Variants in NOXO1 observed in about 807,000 individuals in gnomAD.
NOXO1 encodes the protein NADPH oxidase regulatory protein.
A neutral mutation model predicts 33.3 loss-of-function variants in NOXO1; 38 were observed. The ratio of observed to expected loss-of-function variants is 1.14; its 90% CI spans 0.88 to 1.50. The LOEUF (loss-of-function observed/expected upper bound fraction) is 1.50, where lower values mean the gene tolerates loss of function less well. Among genes scored for constraint, NOXO1 ranks in the 40% most tolerant of loss-of-function variants. The probability of loss-of-function intolerance (pLI) is 0.00; values close to 1 mark genes in which losing one functional copy is unlikely to be tolerated. For synonymous variants in NOXO1, 302 were observed against 237.3 expected (o/e 1.27, Z -2.51); for missense variants, 675 against 527.1 (o/e 1.28, Z -2.75).
chr16:1,980,657 G>C lies in NOXO1; in HGVS notation c.222C>G (p.Leu74=), dbSNP rs564745855. The change falls in exon 3 of 8, where the codon CTC becomes CTG. Residue 74 remains leucine, a splice_region_variant and synonymous_variant. Transcript: ENST00000356120. ...CTCCCGTACCCAGGCTGGCCTGACC[G>C]AGAAGCTTTGGGAGAACGCGGTCAG... ...RRSDRVLPKL[L]DAPLLGRVGR... 2 of 1,605,490 alleles carry C rather than the reference G, an allele frequency of 1.2e-6. No individual in the cohort carries two copies. The highest frequency in any genetic ancestry group is 1.7e-5 in the Admixed American group (1 of 59,088).
At position 1,980,034 on chromosome 16, in the gene NOXO1, G is replaced by A; in HGVS notation, c.549C>T (p.Ala183=). 1 of 1,606,772 alleles carries A rather than the reference G, an allele frequency of 6.2e-7. No individual in the cohort carries two copies. Among genetic ancestry groups the A allele is most frequent in the Non-Finnish European group, 8.5e-7 (1 of 1,177,940 alleles). The change falls in exon 5 of 8, where the codon GCC becomes GCT. Residue 183 remains alanine, a synonymous_variant. Transcript: ENST00000356120. ...GCAGCAGCACGTCCAGGCTCTCCTG[G>A]GCCTGCGCCTGAAAAGGCCTATCCC... The part of the protein sequence containing the change: ...DTRDRPFQAQ[A]QESLDVLLRH...
intron 2 of NOXO1, 74 bp from the exon 3 acceptor site, chr16:1,980,805 G>T: frequency 6.7e-7 from 1 of 1,494,936 alleles, no homozygotes; most frequent in Non-Finnish European, 9.1e-7. Flanking sequence ...TCCCTCACCC[G>T]GATGGCAGGG....
intron 6 of NOXO1, 89 bp from the exon 7 acceptor site, chr16:1,979,631 T>C (rs2083457048): frequency 2.2e-6 from 3 of 1,340,288 alleles, no homozygotes; most frequent in African/African-American, 1.4e-5. Flanking sequence ...TGCTTGAGTC[T>C]GCTGACGGCG....
At chr16:1,980,859 C>T in intron 2 of NOXO1, 80 bp downstream of exon 2, 1 of 1,481,634 alleles carries the variant, frequency 6.7e-7, no homozygotes, top group Non-Finnish European at 9.3e-7. Flanking sequence ...GTGGGAGTCA[C>T]TGATGGGAGG....
Position 1,980,716 on chromosome 16 carries a change from TCTC to T in NOXO1, c.160_162del (p.Glu54del). On this transcript the variant is annotated inframe_deletion, in exon 3 of 8. Transcript: ENST00000356120. ...AGCAGGCCCGCCTCCACCGGGAAGG[TCTC>T]CTTGAGGGTCTTCTGAGGGCGGGAA... 1 of 1,603,948 alleles carries T rather than the reference TCTC, an allele frequency of 6.2e-7. No individual in the cohort carries two copies. Among genetic ancestry groups the T allele is most frequent in the Non-Finnish European group, 8.5e-7 (1 of 1,175,698 alleles).
At position 1,979,436 on chromosome 16, in the gene NOXO1, C is replaced by T. The variant is rs755718602; in HGVS notation, c.807G>A (p.Trp269Ter). 9.9e-6 allele frequency: 16 copies of T among 1,609,714 alleles called. No homozygotes were observed. Among genetic ancestry groups the T allele is most frequent in the East Asian group, 2.2e-5 (1 of 44,818 alleles). ...CCGCTCCCGCGTACCTGCATAGCCACCAGCCGCGGTCTGACGTTTCCAACA... is the reference window on the plus strand; with the variant it reads ...CCGCTCCCGCGTACCTGCATAGCCATCAGCCGCGGTCTGACGTTTCCAACA... ...VRVLETSDRG[W>*]WLCRYGDRAG... The change falls in exon 7 of 8, where the codon TGG becomes TGA. Residue 269 changes from tryptophan to a stop codon, truncating the protein, a stop_gained. Transcript: ENST00000356120. LOFTEE classifies it low-confidence loss of function (END_TRUNC).
rs1229022421 is a variant in NOXO1 at position 1,979,221 on chromosome 16, G to A, written c.947C>T (p.Pro316Leu). Residue 316 changes from proline to leucine, a missense_variant, in exon 8 of 8, where the codon CCC becomes CTC. Pro to Leu is a moderately conservative substitution (Grantham distance 98). Transcript: ENST00000356120. Reference protein sequence around the residue: ...PAGEARGFPEPSQATAPPPTV... With the variant: ...PAGEARGFPELSQATAPPPTV... ...GGGGGGAGGGGCGGTGGCCTGGGAGGGTTCAGGGAAGCCCCGGGCCTCACC... is the reference window on the plus strand; with the variant it reads ...GGGGGGAGGGGCGGTGGCCTGGGAGAGTTCAGGGAAGCCCCGGGCCTCACC... 4 of 1,482,254 alleles carry A rather than the reference G, an allele frequency of 2.7e-6. No homozygotes were observed. Among genetic ancestry groups the A allele is most frequent in the South Asian group, 1.3e-5 (1 of 76,726 alleles). 91.8% of individuals were successfully genotyped at this position (1,482,254 alleles called of 1,614,324 possible). A position where few individuals can be genotyped will look rare whatever the true frequency, so the allele number is the denominator to read the frequency against.
Position 1,979,139 on chromosome 16 carries a change from T to A in NOXO1, c.1029A>T (p.Thr343=). 3 of 1,457,812 alleles carry A rather than the reference T, an allele frequency of 2.1e-6. No individual in the cohort carries two copies. The highest frequency in any genetic ancestry group is 3.0e-5 in the African/African-American group (2 of 66,834). The allele number at this position is 1,457,812 out of a possible 1,614,324, so 90.3% of individuals were successfully genotyped here. Residue 343 remains threonine (T), a synonymous_variant, in exon 8 of 8, where the codon ACA becomes ACT. Transcript: ENST00000356120. Reference sequence around the variant, plus strand: ...GTGGGCGCCGCTCCAGGGCCCTGCGTGTGACGGTGCAGCAGCGGCTCTGGA... The same window carrying A: ...GTGGGCGCCGCTCCAGGGCCCTGCGAGTGACGGTGCAGCAGCGGCTCTGGA... The part of the protein sequence containing the change: ...GAIQSRCCTV[T]RRALERRPRR...
In NOXO1 at chr16:1,979,158, C is replaced by G; in HGVS notation, c.1010G>C (p.Ser337Thr). The change falls in exon 8 of 8, where the codon AGC (serine) becomes ACC (threonine). Residue 337 changes from serine to threonine, a missense_variant. Transcript: ENST00000356120. ...PTRPSPGAIQSRCCTVTRRAL... is the reference protein window; with the variant it reads ...PTRPSPGAIQTRCCTVTRRAL... ...CCTGCGTGTGACGGTGCAGCAGCGG[C>G]TCTGGATGGCGCCCGGCGAAGGTCG... 1 of 1,462,234 alleles carries G rather than the reference C, an allele frequency of 6.8e-7. No individual in the cohort carries two copies. The highest frequency in any genetic ancestry group is 9.0e-7 in the Non-Finnish European group (1 of 1,117,270). 90.6% of individuals were successfully genotyped at this position (1,462,234 alleles called of 1,614,324 possible).
Position 1,979,298 on chromosome 16 carries a change from C to A in NOXO1, c.870G>T (p.Gly290=). The change falls in exon 8 of 8, where the codon GGG becomes GGT. Residue 290 remains glycine, a synonymous_variant. Coordinates refer to ENST00000356120, the MANE Select transcript of NOXO1 (RefSeq NM_172167.3). ...LLPAVLLRPE[G]LGALLSGTGF... ...CCGTCCCGCTCAGGAGAGCGCCCAG[C>A]CCTTCCGGCCGCAGCAGCACCGCGG... The A allele has an allele frequency of 6.4e-7, 1 of 1,564,718 alleles. No individual in the cohort carries two copies. The highest frequency in any genetic ancestry group is 8.6e-7 in the Non-Finnish European group (1 of 1,162,932).
At position 1,980,129 on chromosome 16, in the gene NOXO1, G is replaced by C; in HGVS notation, c.454C>G (p.Arg152Gly). ...GCCTCCAGACTGTGGATGGAGAGGC[G>C]GCCCGCAGCGCGAGAAAGAGGCTGC... ...EEQPLSRAAG[R>G]LSIHSLEAQS... The change falls in exon 5 of 8, where the codon CGC becomes GGC. Residue 152 changes from arginine (R) to glycine (G), a missense_variant. By Grantham distance (125) the Arg-to-Gly change is moderately radical. Transcript: ENST00000356120. The C allele has an allele frequency of 6.2e-7, 1 of 1,606,600 alleles. No individual in the cohort carries two copies. Among genetic ancestry groups the C allele is most frequent in the Non-Finnish European group, 8.5e-7 (1 of 1,178,552 alleles).
In NOXO1 at chr16:1,979,638, G is replaced by T. The variant is rs2083457079; in HGVS notation, c.701-96C>A. 25 of 1,303,458 alleles carry T rather than the reference G, an allele frequency of 1.9e-5. No individual in the cohort carries two copies. The South Asian group carries it at 3.3e-4, about 17-fold the overall frequency. 80.7% of individuals were successfully genotyped at this position (1,303,458 alleles called of 1,614,324 possible). A position where few individuals can be genotyped will look rare whatever the true frequency, so the allele number is the denominator to read the frequency against. On this transcript the variant is annotated intron_variant, in intron 6 of 7. Coordinates refer to ENST00000356120, the MANE Select transcript of NOXO1 (RefSeq NM_172167.3). The stretch of plus-strand genomic sequence containing the variant: ...ATTCTCCTTGCTTGAGTCTGCTGAC[G>T]GCGGGGCCGCTCTAAGACCGGTTCG...
Position 1,980,374 on chromosome 16 carries a change from G to A in NOXO1, c.394C>T (p.Pro132Ser). 6.2e-7 allele frequency: 1 copy of A among 1,600,720 alleles called. No individual in the cohort carries two copies. Among genetic ancestry groups the A allele is most frequent in the African/African-American group, 1.3e-5 (1 of 74,978 alleles). The change falls in exon 4 of 8, where the codon CCC becomes TCC. Residue 132 changes from proline to serine, a missense_variant. By Grantham distance (74) the Pro-to-Ser change is moderately conservative. Transcript: ENST00000356120. ...QPLDLEPALP[P>S]GSRVILPTPE... ...TTGGGGCGAGTCAGGCACCTGCCGG[G>A]TGGCAGCGCGGGCTCCAGGTCCAGG...
Position 1,980,443 on chromosome 16 carries a change from C to A in NOXO1, c.325G>T (p.Val109Leu), listed in dbSNP as rs1220896638. 17 of 1,602,180 alleles carry A rather than the reference C, an allele frequency of 1.1e-5. No homozygotes were observed. The highest frequency in any genetic ancestry group is 1.4e-5 in the Non-Finnish European group (16 of 1,179,856). ...CCAGTGATCGTCGGGCTCCGTGCCACGCGCTCTGCAGTCGCCAGCAGCCTC... is the reference window on the plus strand; with the variant it reads ...CCAGTGATCGTCGGGCTCCGTGCCAAGCGCTCTGCAGTCGCCAGCAGCCTC... Reference protein sequence around the residue: ...SRRLLATAERVARSPTITGFF... With the variant: ...SRRLLATAERLARSPTITGFF... The change falls in exon 4 of 8, where the codon GTG becomes TTG. Residue 109 changes from valine (V) to leucine (L), a missense_variant. By Grantham distance (32) the Val-to-Leu change is conservative. Transcript: ENST00000356120.
chr16:1,979,356 G>C lies in NOXO1; in HGVS notation c.819-7C>G, dbSNP rs1277643317. 1.3e-6 allele frequency: 2 copies of C among 1,583,120 alleles called. No homozygotes were observed. The highest frequency in any genetic ancestry group is 2.3e-5 in the South Asian group (2 of 88,736). On this transcript the variant is annotated splice_polypyrimidine_tract_variant and splice_region_variant and intron_variant, in intron 7 of 7. Coordinates refer to ENST00000356120, the MANE Select transcript of NOXO1 (RefSeq NM_172167.3). ...GCCCGCCCGGTCGCCGTACCTGCGA[G>C]GGGCGGGGTGTGGTTAGGGCCCCGC...
In NOXO1 at chr16:1,979,821, G is replaced by T; in HGVS notation, c.669C>A (p.Gly223=). 1 of 1,566,918 alleles carries T rather than the reference G, an allele frequency of 6.4e-7. No individual in the cohort carries two copies. Among genetic ancestry groups the T allele is most frequent in the Non-Finnish European group, 8.6e-7 (1 of 1,157,652 alleles). Residue 223 remains glycine (G), a synonymous_variant, in exon 6 of 8, where the codon GGC becomes GGA. Coordinates refer to ENST00000356120, the MANE Select transcript of NOXO1 (RefSeq NM_172167.3). ...TCCCTAGGGACGGGCCTCCCTCCCG[G>T]CCTTGGCCCGGGGCCGCCTCCTCCA... ...PYLEEAAPGQ[G]REGGPSLGSS...
At chr16:1,979,764 C>T (rs2083459268) in intron 6 of NOXO1, 26 bp downstream of exon 6, 12 of 1,468,690 alleles carry the variant, frequency 8.2e-6, no homozygotes, top group Non-Finnish European at 1.0e-5. Flanking sequence ...GCAGTGGTGG[C>T]GTGAGGGGTG....
At chr16:1,980,627 C>T (rs1205802641) in intron 3 of NOXO1, 29 bp downstream of exon 3, 3 of 1,597,214 alleles carry the variant, frequency 1.9e-6, no homozygotes, top group East Asian at 4.5e-5. Flanking sequence ...CCACCGCCTT[C>T]CCCGCTCCCG....
intron 6 of NOXO1, 88 bp from the exon 7 acceptor site, chr16:1,979,630 C>A: frequency 7.5e-7 from 1 of 1,340,300 alleles, no homozygotes; most frequent in Non-Finnish European, 1.0e-6. Flanking sequence ...TTGCTTGAGT[C>A]TGCTGACGGC....
Sources: gnomAD v4.1 joint callset for allele counts on GRCh38, gnomAD v4.1.1 for gene constraint, MANE v1.5 for transcripts, NCBI Gene and HGNC (gene_info 2026-07-23, HGNC 2026-07-21) for gene names.